Variants in WRNIP1 observed in about 807,000 individuals in gnomAD.
The protein encoded by WRNIP1 is ATPase WRNIP1.
In WRNIP1, 41 loss-of-function variants were observed where a neutral mutation model predicts 56.1. The ratio of observed to expected loss-of-function variants is 0.73; its 90% CI spans 0.57 to 0.95. The LOEUF (loss-of-function observed/expected upper bound fraction) is 0.95. Among genes scored for constraint, WRNIP1 ranks in the 40% least tolerant of loss-of-function variants. WRNIP1 has a pLI of 0.00. For missense variants in WRNIP1, 1,170 were observed against 939.4 expected, an observed-to-expected ratio of 1.25 and a Z score of -3.21; for synonymous variants, 547 against 398.1, an observed-to-expected ratio of 1.37 and a Z score of -4.45.
intron 3 of WRNIP1, among the ~76,000 whole-genome samples, chr6:2,772,061 T>C (rs1765301361): frequency 6.6e-6 from 1 of 152,224 alleles, no homozygotes; most frequent in African/African-American, 2.4e-5. Context: ...CTCAGGTTTT[T>C]TCACCTCTCC....
In WRNIP1 at chr6:2,785,161, T is replaced by C. The variant is rs1003756126; in HGVS notation, c.1877T>C (p.Met626Thr). ...LHLRNAPTRL[M>T]KDLGYGKGYK... ...CTGAGGAACGCGCCCACTAGGCTGA[T>C]GAAGGATTTGGGCTATGGCAAAGGC... The change falls in exon 7 of 7, where the codon ATG becomes ACG. Residue 626 changes from methionine to threonine, a missense_variant. Physicochemically the swap from Met to Thr is moderately conservative, Grantham distance 81. Transcript: ENST00000380773. 1.9e-6 allele frequency: 3 copies of C among 1,614,148 alleles called. No individual in the cohort carries two copies. The highest frequency in any genetic ancestry group is 2.5e-6 in the Non-Finnish European group (3 of 1,180,018).
intron 1 of WRNIP1, among the ~76,000 whole-genome samples, chr6:2,768,372 T>A (rs1765120723): frequency 6.6e-6 from 1 of 152,164 alleles, no homozygotes; most frequent in African/African-American, 2.4e-5. Flanking sequence ...CTCTGCTAAA[T>A]CAAGACAGCC....
chr6:2,785,425 G>A lies in WRNIP1; in HGVS notation c.*143G>A, dbSNP rs8912. The A allele has an allele frequency of 0.039, 33,506 of 865,216 alleles. 808 individuals carry two copies. The highest frequency in any genetic ancestry group is 0.049 in the Non-Finnish European group (27,992 of 572,814). 53.6% of individuals were successfully genotyped at this position (865,216 alleles called of 1,614,324 possible). On this transcript the variant is annotated 3_prime_UTR_variant, in exon 7 of 7. Coordinates refer to ENST00000380773, the MANE Select transcript of WRNIP1 (RefSeq NM_020135.3). ...CAGAAATTTAAGAGTTCCATAGGTG[G>A]AGGCGCAGTTCTTTCGAATAAATGT... is the stretch of plus-strand genomic sequence containing the variant.
chr6:2,772,894 A>G, intron 3 of WRNIP1: 1 of 875,980 alleles, frequency 1.1e-6, no homozygotes, highest in Non-Finnish European at 1.4e-6. Flanking sequence ...AATCTAGTTG[A>G]AAGAAAAGAC....
chr6:2,766,461 C>A lies in WRNIP1; in HGVS notation c.822+17C>A. 1 of 1,500,300 alleles carries A rather than the reference C, an allele frequency of 6.7e-7. No individual in the cohort carries two copies. Among genetic ancestry groups the A allele is most frequent in the South Asian group, 1.3e-5 (1 of 78,510 alleles). The allele number at this position is 1,500,300 out of a possible 1,614,324, so 92.9% of individuals were successfully genotyped here. A position where few individuals can be genotyped will look rare whatever the true frequency, so the allele number is the denominator to read the frequency against. ...TGCGGCAAGGTGAGTGCGGCCTTGG[C>A]CGTTGGGCTTCCGTAGTTATCTCGG... On this transcript the variant is annotated intron_variant, in intron 1 of 6. Coordinates refer to ENST00000380773, the MANE Select transcript of WRNIP1 (RefSeq NM_020135.3).
chr6:2,776,697 C>T (rs1346148452), intron 3 of WRNIP1, among the ~76,000 whole-genome samples: 1 of 152,194 alleles, frequency 6.6e-6, no homozygotes. Context: ...AGGCCTGCCT[C>T]CCTGTCTGTA....
Position 2,785,617 on chromosome 6 carries a change from T to A in WRNIP1, c.*335T>A. The A allele has an allele frequency of 3.8e-6, 1 of 261,116 alleles. No homozygotes were observed. Among genetic ancestry groups the A allele is most frequent in the Non-Finnish European group, 7.3e-6 (1 of 136,908 alleles). 16.2% of individuals were successfully genotyped at this position (261,116 alleles called of 1,614,324 possible). The stretch of plus-strand genomic sequence containing the variant: ...TCAGTTCTGTAGGATTTTCTTTTCT[T>A]TAAAAAATGTATATTCTGGGTAGTT... On this transcript the variant is annotated 3_prime_UTR_variant, in exon 7 of 7. Coordinates refer to ENST00000380773, the MANE Select transcript of WRNIP1 (RefSeq NM_020135.3).
intron 1 of WRNIP1, among the ~76,000 whole-genome samples, 177 bp from the exon 2 acceptor site, chr6:2,768,511 TTTG>T (rs572548516): frequency 9.2e-4 from 140 of 152,328 alleles, no homozygotes; most frequent in East Asian, 2.5e-3. Context: ...TTATAATATT[TTTG>T]TTGTTGTTGT....
chr6:2,766,039 G>T lies in WRNIP1; in HGVS notation c.417G>T (p.Ser139=), dbSNP rs1764947145. Reference sequence around the variant, plus strand: ...CCAGCAGCCCCGGGAGGAAGGGGTCGGGGAAGAGGCCGGCGGCCGCCGCCG... The same window carrying T: ...CCAGCAGCCCCGGGAGGAAGGGGTCTGGGAAGAGGCCGGCGGCCGCCGCCG... ...ARSSSPGRKG[S]GKRPAAAAAA... is the part of the protein sequence containing the mutation. The change falls in exon 1 of 7, where the codon TCG becomes TCT. Residue 139 remains serine, a synonymous_variant. Coordinates refer to ENST00000380773, the MANE Select transcript of WRNIP1 (RefSeq NM_020135.3). 3.1e-6 allele frequency: 4 copies of T among 1,303,422 alleles called. No homozygotes were observed. Among genetic ancestry groups the T allele is most frequent in the African/African-American group, 1.5e-5 (1 of 64,722 alleles). 80.7% of individuals were successfully genotyped at this position (1,303,422 alleles called of 1,614,324 possible). A position where few individuals can be genotyped will look rare whatever the true frequency, so the allele number is the denominator to read the frequency against.
intron 3 of WRNIP1, chr6:2,772,915 A>ATATACT (rs1765341201): frequency 4.2e-6 from 4 of 953,504 alleles, no homozygotes; most frequent in Non-Finnish European, 5.0e-6. Context: ...TTCCAACCCC[A>ATATACT]TATACTTACT....
At chr6:2,768,402 A>G (rs911859463) in intron 1 of WRNIP1, among the ~76,000 whole-genome samples, 3 of 152,236 alleles carry the variant, frequency 2.0e-5, no homozygotes, top group African/African-American at 7.2e-5. Flanking sequence ...TGGGATTCCA[A>G]AGATCTTAAA....
chr6:2,766,944 C>G (rs540550851), intron 1 of WRNIP1, among the ~76,000 whole-genome samples: 3 of 152,096 alleles, frequency 2.0e-5, no homozygotes, highest in Admixed American at 1.3e-4. Context: ...GGTATTTATT[C>G]TTAAGAATAA....
At chr6:2,772,729 A>G (rs1426186240) in intron 3 of WRNIP1, among the ~76,000 whole-genome samples, 2 of 152,218 alleles carry the variant, frequency 1.3e-5, no homozygotes, top group Non-Finnish European at 2.9e-5. Flanking sequence ...CTTACAAGTG[A>G]TTTCCGAATA....
chr6:2,782,196 A>G (rs759753274), intron 4 of WRNIP1, among the ~76,000 whole-genome samples: 29 of 152,142 alleles, frequency 1.9e-4, no homozygotes, highest in Non-Finnish European at 2.9e-5. Context: ...AGGGTGAGGG[A>G]GTGGGCCAGA....
intron 3 of WRNIP1, 129 bp downstream of exon 3, chr6:2,770,490 A>G: frequency 7.5e-7 from 1 of 1,328,372 alleles, no homozygotes; most frequent in Non-Finnish European, 1.0e-6. Flanking sequence ...TCCGCCCGTA[A>G]TGAAAATAAA....
chr6:2,773,223 A>G (rs991836228), intron 3 of WRNIP1: 5 of 985,426 alleles, frequency 5.1e-6, no homozygotes, highest in Non-Finnish European at 6.0e-6. Flanking sequence ...TATTCAGTCA[A>G]AATTGAAGCT....
chr6:2,773,350 C>T (rs921942641), intron 3 of WRNIP1: 16 of 985,234 alleles, frequency 1.6e-5, no homozygotes, highest in Non-Finnish European at 1.8e-5. Context: ...CGCTTATACG[C>T]CAAGTGCAGT....
chr6:2,777,358 C>T (rs979536665), intron 3 of WRNIP1, among the ~76,000 whole-genome samples: 1 of 152,160 alleles, frequency 6.6e-6, no homozygotes, highest in African/African-American at 2.4e-5. Context: ...GTAATCAACA[C>T]ACAATCCAAC....
chr6:2,770,145 G>A lies in WRNIP1; in HGVS notation c.1040G>A (p.Cys347Tyr). Reference protein sequence around the residue: ...QQDTFLPHVECGTITLIGATT... With the variant: ...QQDTFLPHVEYGTITLIGATT... ...GACACTTTCCTTCCTCACGTGGAAT[G>A]TGGGACGATCACTCTGATTGGGGCA... The change falls in exon 3 of 7, where the codon TGT becomes TAT. Residue 347 changes from cysteine to tyrosine, a missense_variant. Cys to Tyr is a radical substitution (Grantham distance 194). Coordinates refer to ENST00000380773, the MANE Select transcript of WRNIP1 (RefSeq NM_020135.3). 6.2e-7 allele frequency: 1 copy of A among 1,614,236 alleles called. No individual in the cohort carries two copies. Among genetic ancestry groups the A allele is most frequent in the South Asian group, 1.1e-5 (1 of 91,080 alleles).
Sources: allele counts gnomAD v4.1 joint callset (sites outside exome capture counted in the v4.1 genomes callset), GRCh38; gene constraint gnomAD v4.1.1; transcripts MANE v1.5; gene names NCBI Gene and HGNC (gene_info 2026-07-23, HGNC 2026-07-21).